Variants in PKHD1 observed in about 807,000 individuals in gnomAD.
PKHD1 encodes the protein fibrocystin.
Under a neutral mutation model 412.0 loss-of-function variants are expected in PKHD1, and 291 were observed. That is an observed-to-expected ratio of 0.71 (90% CI 0.64 to 0.78). The LOEUF is 0.78. Among genes scored for constraint, PKHD1 ranks in the 30% least tolerant of loss-of-function variants. PKHD1 has a pLI of 0.00. For missense variants in PKHD1, 4,825 were observed against 4,950.7 expected (o/e 0.97, Z 0.76); for synonymous variants, 1,777 against 1,821.5 (o/e 0.98, Z 0.62).
At chr6:52,066,172 C>A in intron 11 of PKHD1, 95 bp from the exon 12 acceptor site, 1 of 642,324 alleles carries the variant, frequency 1.6e-6, no homozygotes, top group Non-Finnish European at 2.7e-6. Context: ...TTAATAATTT[C>A]TTACTTTAAC....
chr6:51,815,993 G>A (rs1201236573), intron 52 of PKHD1, among the ~76,000 whole-genome samples: 1 of 152,016 alleles, frequency 6.6e-6, no homozygotes, highest in Non-Finnish European at 1.5e-5. Context: ...TTTAAAAAAG[G>A]ATGCTTGCCA....
rs371772848 is a variant in PKHD1, at chr6:51,745,544, A to C, written c.9999-1002T>G. On this transcript the variant is annotated intron_variant, in intron 59 of 66. Transcript: ENST00000371117. ...GGACTCCCCAGCCTCCAGAACTATA[A>C]GAAATAAATTTATGTCCAGGTGCAG... 5.9e-5 allele frequency among the ~76,000 whole-genome samples: 9 copies of C among 152,076 alleles called. 1 individual carries two copies. In the East Asian group the frequency reaches 1.3e-3, roughly 23 times the overall value.
Position 51,792,582 on chromosome 6 carries a change from T to C in PKHD1, c.8303-1209A>G, listed in dbSNP as rs554862598. Among the ~76,000 whole-genome samples the C allele has an allele frequency of 2.0e-5, 3 of 152,338 alleles. No individual in the cohort carries two copies. The South Asian group carries it at 6.2e-4, about 32-fold the overall frequency. ...TCACAGTTAGACTACAGTTTCCACC[T>C]CCTTTGCAGGTTGATGAAGCCATGT... On this transcript the variant is annotated intron_variant, in intron 52 of 66. Transcript: ENST00000371117.
At chr6:51,928,911 G>A (rs1786135548) in intron 37 of PKHD1, among the ~76,000 whole-genome samples, 1 of 152,058 alleles carries the variant, frequency 6.6e-6, no homozygotes, top group Non-Finnish European at 1.5e-5. Flanking sequence ...ATAAATCCTT[G>A]GTTCTAAGTT....
intron 60 of PKHD1, among the ~76,000 whole-genome samples, chr6:51,667,799 G>C (rs1386057732): frequency 1.3e-5 from 2 of 149,948 alleles, no homozygotes; most frequent in Non-Finnish European, 3.0e-5. Flanking sequence ...TTATTAAATA[G>C]GGAATCCTTT....
intron 19 of PKHD1, 124 bp downstream of exon 19, chr6:52,055,463 C>G: frequency 9.2e-7 from 1 of 1,087,314 alleles, no homozygotes; most frequent in South Asian, 1.3e-5. Context: ...AGAACCTCAG[C>G]CTGAAACACC....
intron 64 of PKHD1, among the ~76,000 whole-genome samples, chr6:51,633,759 T>C (rs768793659): frequency 5.3e-5 from 8 of 152,172 alleles, no homozygotes; most frequent in Non-Finnish European, 4.4e-5. Context: ...GCTACATGTA[T>C]GTGAGAACAG....
chr6:51,886,416 T>C (rs1273491753), intron 44 of PKHD1, among the ~76,000 whole-genome samples: 1 of 152,202 alleles, frequency 6.6e-6, no homozygotes, highest in Non-Finnish European at 1.5e-5. Context: ...AATAGGTTAA[T>C]GGCTGGGGAA....
chr6:52,070,664 T>C (rs1054757357), intron 9 of PKHD1, among the ~76,000 whole-genome samples: 1 of 152,090 alleles, frequency 6.6e-6, no homozygotes, highest in African/African-American at 2.4e-5. Context: ...AATGTGGACT[T>C]CTAGCAATAA....
intron 52 of PKHD1, among the ~76,000 whole-genome samples, chr6:51,798,355 G>T (rs1794914074): frequency 6.7e-6 from 1 of 149,678 alleles, no homozygotes; most frequent in Admixed American, 6.8e-5. Context: ...TCCAGCCTGG[G>T]GTACAGAGGA....
intron 22 of PKHD1, among the ~76,000 whole-genome samples, chr6:52,049,884 C>T (rs1466967229): frequency 2.0e-5 from 3 of 152,146 alleles, no homozygotes; most frequent in African/African-American, 7.2e-5. Context: ...AAAGCGTAGT[C>T]CCCAGACCAG....
intron 60 of PKHD1, among the ~76,000 whole-genome samples, chr6:51,701,717 G>C (rs530309572): frequency 2.0e-5 from 3 of 151,950 alleles, no homozygotes; most frequent in East Asian, 3.8e-4. Context: ...GTCCAGGCTA[G>C]TGTTAAATAT....
At chr6:51,682,037 T>A (rs1776739988) in intron 60 of PKHD1, among the ~76,000 whole-genome samples, 1 of 152,056 alleles carries the variant, frequency 6.6e-6, no homozygotes, top group Admixed American at 6.6e-5. Flanking sequence ...GGACAAGAAG[T>A]ACAAACGAGA....
rs190871757 is a variant in PKHD1 at position 51,943,328 on chromosome 6, G to A, written c.5909-9006C>T. ...GCCCATTTGAGCTCCTGTATAAGAC[G>A]CTCCTTTTTATTAGGCCCCAGTCTC... On this transcript the variant is annotated intron_variant, in intron 36 of 66. Transcript: ENST00000371117. Among the ~76,000 whole-genome samples the A allele has an allele frequency of 1.3e-3, 200 of 150,550 alleles. 3 individuals are homozygous for A. Among genetic ancestry groups the A allele is most frequent in the African/African-American group, 4.6e-3 (190 of 41,176 alleles).
chr6:52,028,121 A>G (rs780653207), intron 30 of PKHD1, 35 bp downstream of exon 30: 2 of 1,597,084 alleles, frequency 1.3e-6, no homozygotes, highest in African/African-American at 2.7e-5. Context: ...TAGACCATCA[A>G]ACAAATCCAA....
intron 60 of PKHD1, among the ~76,000 whole-genome samples, chr6:51,703,832 G>A (rs1779716096): frequency 1.3e-5 from 2 of 152,032 alleles, no homozygotes; most frequent in Admixed American, 1.3e-4. Context: ...CCAAAAGGAT[G>A]CAGATGGTAC....
intron 60 of PKHD1, among the ~76,000 whole-genome samples, chr6:51,716,036 T>G (rs1026717007): frequency 2.0e-5 from 3 of 152,192 alleles, no homozygotes; most frequent in African/African-American, 7.2e-5. Context: ...GTGGAATTCT[T>G]CAAAATCAAT....
chr6:51,767,231 C>T (rs1190252358), intron 55 of PKHD1, among the ~76,000 whole-genome samples: 1 of 151,798 alleles, frequency 6.6e-6, no homozygotes, highest in Non-Finnish European at 1.5e-5. Flanking sequence ...AAAAAAAATG[C>T]TAATGTTTGG....
chr6:52,012,285 T>C (rs1385897296), intron 34 of PKHD1, among the ~76,000 whole-genome samples: 1 of 152,198 alleles, frequency 6.6e-6, no homozygotes, highest in Non-Finnish European at 1.5e-5. Context: ...ACAATACGAA[T>C]CCAATAAAGG....
Sources: gnomAD v4.1 joint callset for allele counts (sites outside exome capture counted in the v4.1 genomes callset) on GRCh38, gnomAD v4.1.1 for gene constraint, MANE v1.5 for transcripts, NCBI Gene and HGNC (gene_info 2026-07-23, HGNC 2026-07-21) for gene names.